The following CSMD3 variants were observed in gnomAD, a reference collection of about 807,000 sequenced individuals.
CSMD3 encodes CUB and sushi domain-containing protein 3.
Under a neutral mutation model 435.2 loss-of-function variants are expected in CSMD3, and 177 were observed. The ratio of observed to expected loss-of-function variants is 0.41; its 90% CI spans 0.36 to 0.46. CSMD3 has a LOEUF of 0.46. Ranked by LOEUF, CSMD3 falls within the 20% of genes least tolerant of loss-of-function variation. CSMD3 has a pLI of 0.34. For missense variants in CSMD3, 4,265 were observed against 4,504.6 expected (o/e 0.95, Z 1.52); for synonymous variants, 1,656 against 1,520.5 (o/e 1.09, Z -2.07).
intron 10 of CSMD3, among the ~76,000 whole-genome samples, chr8:112,863,941 A>G (rs1157157080): frequency 1.3e-5 from 2 of 152,114 alleles, no homozygotes; most frequent in Non-Finnish European, 2.9e-5. Context: ...ATTAAATATG[A>G]CAACTTTGGT....
intron 10 of CSMD3, among the ~76,000 whole-genome samples, chr8:112,880,906 A>G (rs2081429351): frequency 6.6e-6 from 1 of 152,078 alleles, no homozygotes; most frequent in Non-Finnish European, 1.5e-5. Flanking sequence ...CTCATATACT[A>G]TAAAATCCTT....
intron 3 of CSMD3, among the ~76,000 whole-genome samples, chr8:113,240,949 G>T (rs2093207971): frequency 6.6e-6 from 1 of 152,074 alleles, no homozygotes; most frequent in African/African-American, 2.4e-5. Context: ...GTCTTACACT[G>T]GATACTGGGG....
At chr8:112,379,802 C>G (rs1829304443) in intron 38 of CSMD3, among the ~76,000 whole-genome samples, 1 of 152,032 alleles carries the variant, frequency 6.6e-6, no homozygotes, top group Non-Finnish European at 1.5e-5. Context: ...AGTGTAGTAC[C>G]GGATAAAAAC....
intron 7 of CSMD3, among the ~76,000 whole-genome samples, chr8:112,963,482 A>G (rs2084308857): frequency 6.6e-6 from 1 of 151,950 alleles, no homozygotes; most frequent in Non-Finnish European, 1.5e-5. Context: ...TATGACCACC[A>G]TTATACTTCA....
chr8:113,194,743 C>A (rs2092631366), intron 3 of CSMD3, among the ~76,000 whole-genome samples: 1 of 150,922 alleles, frequency 6.6e-6, no homozygotes, highest in Non-Finnish European at 1.5e-5. Flanking sequence ...TCGAAAAAAC[C>A]CCTCAAACAT....
intron 6 of CSMD3, among the ~76,000 whole-genome samples, chr8:112,995,502 T>C (rs2085616844): frequency 6.6e-6 from 1 of 151,440 alleles, no homozygotes; most frequent in Non-Finnish European, 1.5e-5. Flanking sequence ...TTAGCTCTTA[T>C]CTCTTATTTC....
intron 27 of CSMD3, among the ~76,000 whole-genome samples, chr8:112,533,502 A>C (rs936710568): frequency 3.3e-5 from 5 of 152,072 alleles, no homozygotes; most frequent in Non-Finnish European, 7.4e-5. Flanking sequence ...CAAGTCAAAA[A>C]ACTGAAAAGA....
chr8:113,085,989 G>A (rs1432376430), intron 5 of CSMD3, among the ~76,000 whole-genome samples: 2 of 152,084 alleles, frequency 1.3e-5, no homozygotes, highest in South Asian at 2.1e-4. Context: ...TGTAATCCCA[G>A]CACTTCGGGA....
chr8:113,430,607 T>C (rs1251758372), intron 1 of CSMD3, among the ~76,000 whole-genome samples: 15 of 152,166 alleles, frequency 9.9e-5, no homozygotes, highest in Non-Finnish European at 4.4e-5. Flanking sequence ...AGACCTTATC[T>C]GGGAAACTGA....
chr8:112,903,514 G>A (rs1315292363), intron 10 of CSMD3, among the ~76,000 whole-genome samples: 1 of 151,220 alleles, frequency 6.6e-6, no homozygotes, highest in Non-Finnish European at 1.5e-5. Context: ...GGCATGAGGG[G>A]ATAGAGGTTA....
chr8:113,119,742 G>GA (rs1171735980), intron 4 of CSMD3, among the ~76,000 whole-genome samples: 4 of 151,856 alleles, frequency 2.6e-5, no homozygotes, highest in Non-Finnish European at 5.9e-5. Context: ...CTAAAAATAG[G>GA]AAAAAATAGT....
chr8:113,080,724 A>G (rs754112478), intron 5 of CSMD3, among the ~76,000 whole-genome samples: 2 of 152,226 alleles, frequency 1.3e-5, no homozygotes, highest in Admixed American at 6.5e-5. Context: ...CCCTAGGTGT[A>G]GTTTCTAACC....
chr8:113,223,425 A>G lies in CSMD3; in HGVS notation c.515-49509T>C, dbSNP rs1459694107. Among the ~76,000 whole-genome samples, 17 of 150,534 alleles carry G rather than the reference A, an allele frequency of 1.1e-4. No homozygotes were observed. The Admixed American group carries it at 1.1e-3, about 10-fold the overall frequency. On this transcript the variant is annotated intron_variant, in intron 3 of 70. Transcript: ENST00000297405. ...GTTTCCTAGTTTCTTTATTTGTAAC[A>G]TGAGTATGGCATTAGTACCTGCTCA... is the stretch of plus-strand genomic sequence containing the variant.
intron 38 of CSMD3, among the ~76,000 whole-genome samples, chr8:112,366,271 A>G (rs1412429511): frequency 1.3e-5 from 2 of 152,212 alleles, no homozygotes; most frequent in African/African-American, 4.8e-5. Flanking sequence ...ACAGTTAACC[A>G]AAGCTTTTGC....
chr8:113,428,893 T>C (rs944820436), intron 1 of CSMD3, among the ~76,000 whole-genome samples: 1 of 152,018 alleles, frequency 6.6e-6, no homozygotes, highest in East Asian at 1.9e-4. Flanking sequence ...TCATATTTTT[T>C]AATGTCATAG....
At chr8:113,077,689 C>G (rs1461999979) in intron 5 of CSMD3, among the ~76,000 whole-genome samples, 1 of 152,034 alleles carries the variant, frequency 6.6e-6, no homozygotes, top group Non-Finnish European at 1.5e-5. Flanking sequence ...GGTGACAGAG[C>G]AAGACTCTTG....
Position 112,223,367 on chromosome 8 carries a change from T to A in CSMD3, c.*1404A>T. 1 of 297,198 alleles carries A rather than the reference T, an allele frequency of 3.4e-6. No homozygotes were observed. Among genetic ancestry groups the A allele is most frequent in the East Asian group, 5.1e-5 (1 of 19,732 alleles). 18.4% of individuals were successfully genotyped at this position (297,198 alleles called of 1,614,324 possible). Reference sequence around the variant, plus strand: ...TCATGATACAAAAAGTCAAGACTGTTCACAGAGTTATCCATATTTGAAAGG... The same window carrying A: ...TCATGATACAAAAAGTCAAGACTGTACACAGAGTTATCCATATTTGAAAGG... On this transcript the variant is annotated 3_prime_UTR_variant, in exon 71 of 71. Transcript: ENST00000297405.
At chr8:112,728,036 C>T (rs1164936170) in intron 13 of CSMD3, among the ~76,000 whole-genome samples, 1 of 151,850 alleles carries the variant, frequency 6.6e-6, no homozygotes, top group Non-Finnish European at 1.5e-5. Context: ...CAGGCATTTT[C>T]TTGTTGTTTA....
At chr8:112,413,406 C>G (rs1374497584) in intron 32 of CSMD3, among the ~76,000 whole-genome samples, 1 of 152,040 alleles carries the variant, frequency 6.6e-6, no homozygotes, top group Non-Finnish European at 1.5e-5. Flanking sequence ...TCTATCAAAC[C>G]CTGTCGAATC....
Sources: allele counts gnomAD v4.1 joint callset (sites outside exome capture counted in the v4.1 genomes callset), GRCh38; gene constraint gnomAD v4.1.1; transcripts MANE v1.5; gene names NCBI Gene and HGNC (gene_info 2026-07-23, HGNC 2026-07-21).